Variants in ANKRD13C observed in about 807,000 individuals in gnomAD.
ANKRD13C encodes ankyrin repeat domain-containing protein 13C.
In ANKRD13C, 16 loss-of-function variants were observed where a neutral mutation model predicts 65.5. That is an observed-to-expected ratio of 0.24 (90% confidence interval 0.17 to 0.37). The LOEUF (loss-of-function observed/expected upper bound fraction) is 0.37. Among genes scored for constraint, ANKRD13C ranks in the 10% least tolerant of loss-of-function variants. The pLI, the probability that ANKRD13C is intolerant of heterozygous loss-of-function variation, is 1.00. For missense variants in ANKRD13C, 503 were observed against 655.9 expected (o/e 0.77, Z 2.55); for synonymous variants, 235 against 238.7 (o/e 0.98, Z 0.14).
At chr1:70,353,561 G>T (rs1682847591) in intron 1 of ANKRD13C, among the ~76,000 whole-genome samples, 1 of 152,172 alleles carries the variant, frequency 6.6e-6, no homozygotes, top group African/African-American at 2.4e-5. Flanking sequence ...ATCTGTATGT[G>T]AGCAATGAAG....
At chr1:70,306,095 G>C (rs2101396231) in intron 6 of ANKRD13C, 129 bp downstream of exon 6, 1 of 520,656 alleles carries the variant, frequency 1.9e-6, no homozygotes, top group East Asian at 3.6e-5. Context: ...TCTCGAATGA[G>C]ATAAAATATT....
At chr1:70,262,876 G>A in intron 12 of ANKRD13C, 29 bp from the exon 13 acceptor site, 1 of 1,522,506 alleles carries the variant, frequency 6.6e-7, no homozygotes, top group Non-Finnish European at 8.9e-7. Context: ...TGATAGCATT[G>A]TAAAATCAAA....
chr1:70,307,294 T>G (rs1680628601), intron 5 of ANKRD13C, among the ~76,000 whole-genome samples: 1 of 152,136 alleles, frequency 6.6e-6, no homozygotes, highest in Non-Finnish European at 1.5e-5. Context: ...CCCAGCACTT[T>G]GAGAGGCCAA....
At chr1:70,291,403 T>C (rs371321850) in intron 9 of ANKRD13C, among the ~76,000 whole-genome samples, 3 of 152,196 alleles carry the variant, frequency 2.0e-5, no homozygotes, top group Admixed American at 6.5e-5. Flanking sequence ...ATTATACAAA[T>C]AAAAAATAAA....
At chr1:70,350,980 G>A (rs1230483273) in intron 1 of ANKRD13C, among the ~76,000 whole-genome samples, 2 of 152,248 alleles carry the variant, frequency 1.3e-5, no homozygotes, top group East Asian at 3.9e-4. Context: ...GGACAACACG[G>A]TGAAACCCAG....
At chr1:70,340,874 A>T (rs995660888) in intron 1 of ANKRD13C, among the ~76,000 whole-genome samples, 1 of 152,146 alleles carries the variant, frequency 6.6e-6, no homozygotes, top group Non-Finnish European at 1.5e-5. Context: ...GCACTTTTGG[A>T]GGCCGAGGCA....
rs2101297326 is a variant in ANKRD13C, at chr1:70,296,151, C to G, written c.1032G>C (p.Trp344Cys). ...SISFTRAQTG[W>C]LFREDKTERV... Reference sequence around the variant, plus strand: ...ATACTGTTTTATCTTCCCGAAAAAGCCATCCTGTCTGGGCACGCGTGAAAG... The same window carrying G: ...ATACTGTTTTATCTTCCCGAAAAAGGCATCCTGTCTGGGCACGCGTGAAAG... The change falls in exon 8 of 13, where the codon TGG becomes TGC. Residue 344 changes from tryptophan to cysteine, a missense_variant. Trp to Cys is a radical substitution (Grantham distance 215). Around this residue, in one of 2 missense-constraint regions of ANKRD13C, gnomAD observed 300 missense variants for 478.3 expected, o/e 0.63. Transcript: ENST00000370944. 6.2e-7 allele frequency: 1 copy of G among 1,613,448 alleles called. No individual in the cohort carries two copies.
intron 1 of ANKRD13C, among the ~76,000 whole-genome samples, chr1:70,349,228 C>T (rs1682647477): frequency 6.6e-6 from 1 of 152,096 alleles, no homozygotes; most frequent in African/African-American, 2.4e-5. Context: ...AATCCTTACA[C>T]TCTGACTATG....
At chr1:70,315,435 T>G (rs754975204) in intron 4 of ANKRD13C, 46 bp downstream of exon 4, 21 of 1,510,438 alleles carry the variant, frequency 1.4e-5, no homozygotes, top group Non-Finnish European at 1.7e-5. Context: ...AAACTACACT[T>G]ATAATTACTT....
At chr1:70,312,667 C>CA (rs55916932) in intron 5 of ANKRD13C, among the ~76,000 whole-genome samples, 31,650 of 114,800 alleles carry the variant, frequency 0.28, 3,666 homozygotes, top group East Asian at 0.44. Context: ...ACTCTGTCTC[C>CA]AAAAAAAAAA....
chr1:70,269,787 A>T (rs1678797274), intron 12 of ANKRD13C, among the ~76,000 whole-genome samples: 1 of 152,186 alleles, frequency 6.6e-6, no homozygotes, highest in Non-Finnish European at 1.5e-5. Context: ...AAGTGTGCAA[A>T]ATTGTGAAGA....
chr1:70,349,961 C>T (rs916688533), intron 1 of ANKRD13C, among the ~76,000 whole-genome samples: 21 of 152,156 alleles, frequency 1.4e-4, no homozygotes, highest in African/African-American at 5.1e-4. Flanking sequence ...CACGGTGAAA[C>T]CCTGTCTCTA....
intron 1 of ANKRD13C, among the ~76,000 whole-genome samples, chr1:70,340,338 C>G (rs7535739): frequency 0.011 from 1,627 of 152,020 alleles, 28 homozygotes; most frequent in African/African-American, 0.037. Flanking sequence ...ATATTTTAGC[C>G]TTTTTCCTAA....
Position 70,354,711 on chromosome 1 carries a change from T to C in ANKRD13C, c.-303A>G. On this transcript the variant is annotated 5_prime_UTR_variant, in exon 1 of 13. Transcript: ENST00000370944. ...CACCGAAAAACAGGGCACGGCCATCTTCCTCTTGCTCCTCTCGCGAGAGCT... is the reference window on the plus strand; with the variant it reads ...CACCGAAAAACAGGGCACGGCCATCCTCCTCTTGCTCCTCTCGCGAGAGCT... 2.7e-6 allele frequency: 2 copies of C among 733,342 alleles called. No homozygotes were observed. The highest frequency in any genetic ancestry group is 2.7e-5 in the East Asian group (1 of 36,894). 45.4% of individuals were successfully genotyped at this position (733,342 alleles called of 1,614,324 possible).
intron 4 of ANKRD13C, among the ~76,000 whole-genome samples, chr1:70,314,207 A>G (rs1185921909): frequency 4.0e-5 from 6 of 151,702 alleles, no homozygotes; most frequent in Non-Finnish European, 8.8e-5. Context: ...TCATCATATA[A>G]TATCTATGAA....
At chr1:70,317,080 T>A (rs1213948295) in intron 3 of ANKRD13C, among the ~76,000 whole-genome samples, 1 of 151,492 alleles carries the variant, frequency 6.6e-6, no homozygotes, top group East Asian at 1.9e-4. Context: ...TTTGTCCACA[T>A]AGGTCCAAAA....
At chr1:70,323,426 C>A (rs112513951) in intron 3 of ANKRD13C, among the ~76,000 whole-genome samples, 107 of 152,116 alleles carry the variant, frequency 7.0e-4, no homozygotes, top group Non-Finnish European at 1.2e-3. Context: ...GGGCGGATCA[C>A]GTGGTCAGGA....
chr1:70,312,164 T>G (rs1159108341), intron 5 of ANKRD13C, among the ~76,000 whole-genome samples: 1 of 152,206 alleles, frequency 6.6e-6, no homozygotes, highest in Admixed American at 6.5e-5. Flanking sequence ...TCTGGTAACT[T>G]CCTAGGCATT....
At chr1:70,273,623 C>T (rs772767440) in intron 11 of ANKRD13C, among the ~76,000 whole-genome samples, 6 of 151,544 alleles carry the variant, frequency 4.0e-5, no homozygotes, top group East Asian at 1.9e-4. Context: ...AAAGAATAGA[C>T]GAAAATATAA....
Sources: allele counts gnomAD v4.1 joint callset (sites outside exome capture counted in the v4.1 genomes callset), GRCh38; gene constraint gnomAD v4.1.1; regional missense constraint gnomAD v4.1.1; transcripts MANE v1.5; gene names NCBI Gene and HGNC (gene_info 2026-07-23, HGNC 2026-07-21).